Variants in RIMS1 observed in about 807,000 individuals in gnomAD.
RIMS1 encodes regulating synaptic membrane exocytosis protein 1.
A neutral mutation model predicts 214.1 loss-of-function variants in RIMS1; 83 were observed. The observed-to-expected ratio is 0.39, with a 90% CI of 0.32 to 0.47. The LOEUF (loss-of-function observed/expected upper bound fraction) is 0.47, where lower values mean the gene tolerates loss of function less well. RIMS1 is among the 20% of genes least tolerant of loss of function. The probability of loss-of-function intolerance (pLI) is 0.99; values close to 1 mark genes in which losing one functional copy is unlikely to be tolerated. For synonymous variants in RIMS1, 793 were observed against 786.8 expected (o/e 1.01, Z -0.13); for missense variants, 2,050 against 2,161.8 (o/e 0.95, Z 1.03).
At chr6:72,303,286 G>A (rs1475189121) in intron 26 of RIMS1, among the ~76,000 whole-genome samples, 2 of 150,566 alleles carry the variant, frequency 1.3e-5, no homozygotes, top group Admixed American at 6.6e-5. Flanking sequence ...AAAGTCATAG[G>A]CCTTTTAATA....
At chr6:71,986,868 A>AT (rs1382156904) in intron 2 of RIMS1, among the ~76,000 whole-genome samples, 1 of 152,240 alleles carries the variant, frequency 6.6e-6, no homozygotes, top group African/African-American at 2.4e-5. Context: ...AAAATGTCCA[A>AT]TAGGGAATCA....
At position 72,307,383 on chromosome 6, in the gene RIMS1, G is replaced by C. The variant is rs769067147; in HGVS notation, c.3963+13G>C. ...GCAATATTCCAAGGTAAAATTAGTA[G>C]TATCCAACAAATAGTTTCCCTTTTA... On this transcript the variant is annotated intron_variant, in intron 27 of 33. Coordinates refer to ENST00000521978, the MANE Select transcript of RIMS1 (RefSeq NM_014989.7). The C allele has an allele frequency of 6.7e-7, 1 of 1,495,926 alleles. No individual in the cohort carries two copies. The highest frequency in any genetic ancestry group is 1.2e-5 in the South Asian group (1 of 83,480). The allele number at this position is 1,495,926 out of a possible 1,614,324, so 92.7% of individuals were successfully genotyped here. A position where few individuals can be genotyped will look rare whatever the true frequency, so the allele number is the denominator to read the frequency against.
intron 29 of RIMS1, among the ~76,000 whole-genome samples, chr6:72,336,940 C>T (rs1176248582): frequency 2.0e-5 from 3 of 151,720 alleles, no homozygotes; most frequent in African/African-American, 7.3e-5. Flanking sequence ...TCAGATTCTG[C>T]ATTGACCATG....
intron 2 of RIMS1, among the ~76,000 whole-genome samples, chr6:72,050,742 G>A (rs535794376): frequency 3.9e-5 from 6 of 152,258 alleles, no homozygotes; most frequent in African/African-American, 1.4e-4. Context: ...CCTTTGTGGG[G>A]TGTATATCCA....
intron 1 of RIMS1, among the ~76,000 whole-genome samples, chr6:71,946,459 G>C (rs1583229342): frequency 1.3e-5 from 2 of 152,068 alleles, no homozygotes; most frequent in East Asian, 3.9e-4. Flanking sequence ...ACAGAATAAA[G>C]AGCATGGAAA....
chr6:72,173,795 G>A (rs1419961570), intron 4 of RIMS1, among the ~76,000 whole-genome samples: 1 of 152,068 alleles, frequency 6.6e-6, no homozygotes, highest in Non-Finnish European at 1.5e-5. Context: ...CGAGGCATGA[G>A]AATGGATGAT....
chr6:72,351,669 A>G (rs1274729048), intron 29 of RIMS1, among the ~76,000 whole-genome samples: 1 of 152,198 alleles, frequency 6.6e-6, no homozygotes, highest in Non-Finnish European at 1.5e-5. Flanking sequence ...CTATAGCCTC[A>G]GTCCTTAACC....
chr6:72,386,810 TGCAA>T (rs2098612571), intron 29 of RIMS1, among the ~76,000 whole-genome samples: 2 of 147,572 alleles, frequency 1.4e-5, no homozygotes, highest in South Asian at 4.4e-4. Flanking sequence ...CTCTGCTCAC[TGCAA>T]GCTCCGCCTT....
At chr6:71,911,324 G>A (rs1776846813) in intron 1 of RIMS1, among the ~76,000 whole-genome samples, 1 of 152,272 alleles carries the variant, frequency 6.6e-6, no homozygotes, top group South Asian at 2.1e-4. Context: ...GGCCCCTTGG[G>A]TAGAAGATCT....
rs116933297 is a variant in RIMS1, at chr6:72,112,160, C to T, written c.471+12174C>T. Among the ~76,000 whole-genome samples the T allele has an allele frequency of 6.8e-4, 103 of 152,180 alleles. 2 individuals are homozygous for T. In the East Asian group the frequency reaches 9.1e-3, roughly 13 times the overall value. On this transcript the variant is annotated intron_variant, in intron 4 of 33. Coordinates refer to ENST00000521978, the MANE Select transcript of RIMS1 (RefSeq NM_014989.7). ...TTGGAATCCTCCTGGCCTTTCCTCC[C>T]CCTGCATCCAATTCATCAGGAATTT...
At chr6:72,361,096 CTTTTTTTTTTTTT>C (rs70994124) in intron 29 of RIMS1, among the ~76,000 whole-genome samples, 4 of 54,386 alleles carry the variant, frequency 7.4e-5, no homozygotes, top group Admixed American at 4.6e-4. Context: ...GTCTTTCTTT[CTTTTTTTTTTTTT>C]TTTTTTTTTT....
At chr6:72,281,429 G>A (rs186816009) in intron 23 of RIMS1, among the ~76,000 whole-genome samples, 100 of 152,164 alleles carry the variant, frequency 6.6e-4, no homozygotes, top group Admixed American at 3.9e-3. Flanking sequence ...AAAAGAGGAG[G>A]AAGAGTTTGA....
chr6:72,154,602 T>C lies in RIMS1; in HGVS notation c.472-24973T>C, dbSNP rs573758846. Among the ~76,000 whole-genome samples the C allele has an allele frequency of 1.4e-5, 2 of 140,780 alleles. 1 individual carries two copies. The highest frequency in any genetic ancestry group is 3.2e-5 in the Non-Finnish European group (2 of 61,962). 92.4% of individuals were successfully genotyped at this position (140,780 alleles called of 152,430 possible). ...TCATGCCCTTGCGCAAGTATCAACTTTGACAACTACCCACAGATAAGAGTA... is the reference window on the plus strand; with the variant it reads ...TCATGCCCTTGCGCAAGTATCAACTCTGACAACTACCCACAGATAAGAGTA... On this transcript the variant is annotated intron_variant, in intron 4 of 33. Transcript: ENST00000521978.
intron 19 of RIMS1, chr6:72,261,076 G>A: frequency 1.7e-6 from 2 of 1,207,926 alleles, no homozygotes; most frequent in Non-Finnish European, 2.1e-6. Context: ...TGCTCACTGT[G>A]AGTGCCCCCA....
At chr6:72,323,166 G>A (rs910326136) in intron 28 of RIMS1, among the ~76,000 whole-genome samples, 34 of 152,082 alleles carry the variant, frequency 2.2e-4, no homozygotes, top group Middle Eastern at 3.4e-3. Context: ...AGAACAAGAC[G>A]AAATCTTTCT....
rs1009000820 is a variant in RIMS1, at chr6:72,114,540, A to T, written c.471+14554A>T. On this transcript the variant is annotated intron_variant, in intron 4 of 33. Transcript: ENST00000521978. ...TAACAGATTTTAAAGGAAATATCAA[A>T]TTTTTTTTGTTAATTCCTTCACTTT... is the stretch of plus-strand genomic sequence containing the variant. 4.6e-5 allele frequency among the ~76,000 whole-genome samples: 7 copies of T among 151,792 alleles called. No individual in the cohort carries two copies. In the South Asian group the frequency reaches 6.2e-4, roughly 14 times the overall value.
At chr6:72,176,633 A>G (rs898600764) in intron 4 of RIMS1, among the ~76,000 whole-genome samples, 1 of 152,156 alleles carries the variant, frequency 6.6e-6, no homozygotes, top group Admixed American at 6.6e-5. Context: ...GACTACACTT[A>G]TAGTTAATTT....
chr6:72,347,332 C>G (rs564275806), intron 29 of RIMS1, among the ~76,000 whole-genome samples: 4 of 151,734 alleles, frequency 2.6e-5, no homozygotes, highest in Admixed American at 2.0e-4. Context: ...GTACCACATA[C>G]AGAAAAGTTT....
In RIMS1 at chr6:72,233,676, A is replaced by T. The variant is rs375455896; in HGVS notation, c.1679-97A>T. ...TGCGATGTACACGCTCAAGCTTATG[A>T]TATTAAAACTCTTTATAGATCGAAG... On this transcript the variant is annotated intron_variant, in intron 6 of 33. Transcript: ENST00000521978. 3.2e-5 allele frequency: 28 copies of T among 884,714 alleles called. No individual in the cohort carries two copies. The East Asian group carries it at 7.4e-4, about 23-fold the overall frequency. 54.8% of individuals were successfully genotyped at this position (884,714 alleles called of 1,614,324 possible).
Sources: allele counts gnomAD v4.1 joint callset (sites outside exome capture counted in the v4.1 genomes callset), GRCh38; gene constraint gnomAD v4.1.1; transcripts MANE v1.5; gene names NCBI Gene and HGNC (gene_info 2026-07-23, HGNC 2026-07-21).